The following LRRTM4 variants were observed in gnomAD, a reference collection of about 807,000 sequenced individuals.
LRRTM4 encodes leucine-rich repeat transmembrane neuronal protein 4.
In LRRTM4, 25 loss-of-function variants were observed where a neutral mutation model predicts 47.6. The observed-to-expected ratio is 0.53, with a 90% CI of 0.38 to 0.73. The LOEUF is 0.73. Ranked by LOEUF, LRRTM4 falls within the 30% of genes least tolerant of loss-of-function variation. The pLI is 0.00. For synonymous variants in LRRTM4, 311 were observed against 269.5 expected, an observed-to-expected ratio of 1.15 and a Z score of -1.51; for missense variants, 638 against 713.4, an observed-to-expected ratio of 0.89 and a Z score of 1.20.
chr2:76,896,242 G>A (rs1382968591), intron 3 of LRRTM4, among the ~76,000 whole-genome samples: 1 of 151,558 alleles, frequency 6.6e-6, no homozygotes, highest in Non-Finnish European at 1.5e-5. Context: ...ACACGATTTA[G>A]CCTCTTGGTT....
intron 3 of LRRTM4, among the ~76,000 whole-genome samples, chr2:76,793,488 G>C (rs1675089549): frequency 6.6e-6 from 1 of 151,910 alleles, no homozygotes. Flanking sequence ...AAGATAAGTA[G>C]GATTTTGATT....
intron 3 of LRRTM4, among the ~76,000 whole-genome samples, chr2:77,183,062 A>G (rs1673393659): frequency 6.6e-6 from 1 of 152,238 alleles, no homozygotes; most frequent in South Asian, 2.1e-4. Flanking sequence ...AGCAATGGCA[A>G]CAAAAGCCAA....
chr2:77,032,730 T>C, intron 3 of LRRTM4, among the ~76,000 whole-genome samples: 1 of 152,024 alleles, frequency 6.6e-6, no homozygotes, highest in Admixed American at 6.6e-5. Flanking sequence ...AGGATCTTCT[T>C]TAAGACTTAC....
At chr2:76,821,267 CA>C (rs1671046229) in intron 3 of LRRTM4, among the ~76,000 whole-genome samples, 1 of 151,532 alleles carries the variant, frequency 6.6e-6, no homozygotes, top group Admixed American at 6.6e-5. Context: ...AAATGTATCC[CA>C]AAACCTAGCT....
intron 3 of LRRTM4, among the ~76,000 whole-genome samples, chr2:76,844,783 G>A (rs550251964): frequency 9.7e-4 from 148 of 152,244 alleles, no homozygotes; most frequent in Non-Finnish European, 1.7e-3. Context: ...TTAATGAGGA[G>A]TGCTGGTATA....
chr2:76,892,257 T>G (rs1454395899), intron 3 of LRRTM4, among the ~76,000 whole-genome samples: 2 of 151,690 alleles, frequency 1.3e-5, no homozygotes, highest in Admixed American at 6.6e-5. Context: ...GTCTCGTTGG[T>G]CAATTTCCAA....
At chr2:77,277,225 G>A (rs926795532) in intron 3 of LRRTM4, among the ~76,000 whole-genome samples, 1 of 151,982 alleles carries the variant, frequency 6.6e-6, no homozygotes. Context: ...CAATCCCACA[G>A]AGGACATAAT....
intron 3 of LRRTM4, among the ~76,000 whole-genome samples, chr2:76,954,118 C>CA (rs1302565950): frequency 6.6e-6 from 1 of 151,832 alleles, no homozygotes; most frequent in Non-Finnish European, 1.5e-5. Context: ...CATAAAGACT[C>CA]AGAGAGGTAG....
intron 3 of LRRTM4, among the ~76,000 whole-genome samples, chr2:77,219,446 A>G (rs1674555524): frequency 6.6e-6 from 1 of 152,168 alleles, no homozygotes; most frequent in Non-Finnish European, 1.5e-5. Flanking sequence ...ACTCCTTCAT[A>G]TCAGGAAACA....
intron 3 of LRRTM4, among the ~76,000 whole-genome samples, chr2:77,054,573 T>C (rs1022069722): frequency 2.6e-5 from 4 of 152,168 alleles, no homozygotes; most frequent in African/African-American, 4.8e-5. Flanking sequence ...CTAGGATAGG[T>C]ACAAGCCAGA....
In LRRTM4 at chr2:76,899,348, C is replaced by T. The variant is rs921020907; in HGVS notation, c.1552-150432G>A. 6.6e-4 allele frequency among the ~76,000 whole-genome samples: 84 copies of T among 126,754 alleles called. 1 individual carries two copies. In the East Asian group the frequency reaches 7.6e-3, roughly 11 times the overall value. The allele number at this position is 126,754 out of a possible 152,430, so 83.2% of individuals were successfully genotyped here. A position where few individuals can be genotyped will look rare whatever the true frequency, so the allele number is the denominator to read the frequency against. On this transcript the variant is annotated intron_variant, in intron 3 of 3. Transcript: ENST00000409884. ...ACACACACACACACACACACACACA[C>T]ACACATATATATATATAAACTATAT...
At chr2:77,344,757 G>A (rs570192916) in intron 3 of LRRTM4, among the ~76,000 whole-genome samples, 27 of 151,380 alleles carry the variant, frequency 1.8e-4, no homozygotes, top group South Asian at 4.2e-4. Flanking sequence ...CAATCAAACC[G>A]CTGAAAACTA....
Position 77,217,468 on chromosome 2 carries a change from T to TATATATATATAC in LRRTM4, c.1551+300849_1551+300850insGTATATATATAT, listed in dbSNP as rs1338917871. ...ATATATATATATATATATATATATA[T>TATATATATATAC]ACTAAGCCTTTAATTTAAAAAGATA... On this transcript the variant is annotated intron_variant, in intron 3 of 3. Transcript: ENST00000409884. 5.3e-4 allele frequency among the ~76,000 whole-genome samples: 71 copies of TATATATATATAC among 134,220 alleles called. 2 individuals carry two copies. Among genetic ancestry groups the TATATATATATAC allele is most frequent in the African/African-American group, 1.3e-3 (45 of 34,500 alleles). The allele number at this position is 134,220 out of a possible 152,430, so 88.1% of individuals were successfully genotyped here. A position where few individuals can be genotyped will look rare whatever the true frequency, so the allele number is the denominator to read the frequency against.
At chr2:77,097,346 T>G (rs1670837733) in intron 3 of LRRTM4, among the ~76,000 whole-genome samples, 1 of 151,984 alleles carries the variant, frequency 6.6e-6, no homozygotes, top group Non-Finnish European at 1.5e-5. Flanking sequence ...ATTGATAACA[T>G]TTTGAATATG....
chr2:76,974,201 T>TATATACATAC (rs1676330028), intron 3 of LRRTM4, among the ~76,000 whole-genome samples: 3 of 70,696 alleles, frequency 4.2e-5, no homozygotes, highest in Non-Finnish European at 2.6e-5. Flanking sequence ...TATATACATA[T>TATATACATAC]ATATATATAC....
chr2:76,889,838 AG>A (rs1388918691), intron 3 of LRRTM4, among the ~76,000 whole-genome samples: 2 of 151,922 alleles, frequency 1.3e-5, no homozygotes, highest in African/African-American at 4.8e-5. Context: ...AGAGAGAGAA[AG>A]AGGGAGAGAG....
chr2:77,223,235 A>T (rs914504923), intron 3 of LRRTM4, among the ~76,000 whole-genome samples: 3 of 152,202 alleles, frequency 2.0e-5, no homozygotes, highest in East Asian at 1.9e-4. Context: ...ATCTATGACA[A>T]ACCCACAGCC....
At chr2:77,464,628 C>A (rs1336185824) in intron 3 of LRRTM4, among the ~76,000 whole-genome samples, 2 of 152,022 alleles carry the variant, frequency 1.3e-5, no homozygotes, top group African/African-American at 4.8e-5. Flanking sequence ...ACAAGCAGCT[C>A]TCAGTTATGA....
intron 3 of LRRTM4, among the ~76,000 whole-genome samples, chr2:77,041,533 T>G (rs1226111929): frequency 1.3e-5 from 2 of 151,508 alleles, no homozygotes; most frequent in Non-Finnish European, 1.5e-5. Context: ...CCACCAACAA[T>G]GTATAAGAAT....
Sources: allele counts gnomAD v4.1 joint callset (sites outside exome capture counted in the v4.1 genomes callset), GRCh38; gene constraint gnomAD v4.1.1; transcripts MANE v1.5; gene names NCBI Gene and HGNC (gene_info 2026-07-23, HGNC 2026-07-21).